The following STXBP6 variants were observed in gnomAD, a reference collection of about 807,000 sequenced individuals.
The protein encoded by STXBP6 is syntaxin-binding protein 6.
Under a neutral mutation model 26.9 loss-of-function variants are expected in STXBP6, and 21 were observed. The observed-to-expected ratio is 0.78, with a 90% CI of 0.55 to 1.12. The LOEUF (loss-of-function observed/expected upper bound fraction) is 1.12. Among genes scored for constraint, STXBP6 ranks in the 50% most tolerant of loss-of-function variants. The pLI is 0.00. For missense variants in STXBP6, 232 were observed against 257.9 expected (o/e 0.90, Z 0.69); for synonymous variants, 97 against 92.6 (o/e 1.05, Z -0.27).
chr14:24,970,913 G>T (rs920607000), intron 2 of STXBP6, among the ~76,000 whole-genome samples: 4 of 152,166 alleles, frequency 2.6e-5, no homozygotes, highest in Non-Finnish European at 5.9e-5. Context: ...AGAAAAAGCA[G>T]AAACCAATGC....
intron 3 of STXBP6, 54 bp downstream of exon 3, chr14:24,856,971 CAG>C (rs2069356419): frequency 1.3e-6 from 2 of 1,588,046 alleles, no homozygotes; most frequent in African/African-American, 1.3e-5. Flanking sequence ...CAAGGTCAAT[CAG>C]AGAGTCATCT....
chr14:24,997,970 T>G (rs1361958236), intron 1 of STXBP6, among the ~76,000 whole-genome samples: 1 of 152,156 alleles, frequency 6.6e-6, no homozygotes, highest in Admixed American at 6.5e-5. Flanking sequence ...TTAGTGGATA[T>G]TCACACTCTT....
At chr14:24,828,208 G>GCCA (rs2068346470) in intron 4 of STXBP6, among the ~76,000 whole-genome samples, 1 of 151,952 alleles carries the variant, frequency 6.6e-6, no homozygotes, top group African/African-American at 2.4e-5. Flanking sequence ...CAGATAGCAA[G>GCCA]GATACCTCTA....
At chr14:24,940,202 G>A (rs1881878015) in intron 2 of STXBP6, among the ~76,000 whole-genome samples, 1 of 152,168 alleles carries the variant, frequency 6.6e-6, no homozygotes, top group African/African-American at 2.4e-5. Flanking sequence ...TGATTTTACT[G>A]GAATGATTCC....
chr14:24,850,594 T>C (rs2069118753), intron 4 of STXBP6, among the ~76,000 whole-genome samples: 3 of 152,162 alleles, frequency 2.0e-5, no homozygotes, highest in African/African-American at 7.2e-5. Context: ...CTTGTCTGTC[T>C]GGCAACTGCT....
At chr14:24,906,784 G>A (rs2071399661) in intron 2 of STXBP6, among the ~76,000 whole-genome samples, 1 of 152,110 alleles carries the variant, frequency 6.6e-6, no homozygotes, top group Non-Finnish European at 1.5e-5. Context: ...AATTGATGTA[G>A]TAGGAAAATA....
At position 25,049,261 on chromosome 14, in the gene STXBP6, G is replaced by A; in HGVS notation, c.-33+617C>T. The A allele has an allele frequency of 1.0e-6, 1 of 985,466 alleles. No individual in the cohort carries two copies. Among genetic ancestry groups the A allele is most frequent in the Non-Finnish European group, 1.2e-6 (1 of 829,972 alleles). The allele number at this position is 985,466 out of a possible 1,614,324, so 61.0% of individuals were successfully genotyped here. A position where few individuals can be genotyped will look rare whatever the true frequency, so the allele number is the denominator to read the frequency against. Reference sequence around the variant, plus strand: ...GGTGAGGCTCGATGCCGGCGTGCACGGCAAGCGCGAATTCGGAACCTGGCG... The same window carrying A: ...GGTGAGGCTCGATGCCGGCGTGCACAGCAAGCGCGAATTCGGAACCTGGCG... On this transcript the variant is annotated intron_variant, in intron 1 of 5. Transcript: ENST00000323944. This position sits in a 1 kb window ranked among gnomAD's most constrained non-coding sequence, Gnocchi z 5.6.
chr14:24,990,472 A>G (rs982976743), intron 1 of STXBP6, among the ~76,000 whole-genome samples: 4 of 152,110 alleles, frequency 2.6e-5, no homozygotes, highest in African/African-American at 9.7e-5. Context: ...CAACCTGACT[A>G]ACATGGCAAA....
intron 2 of STXBP6, among the ~76,000 whole-genome samples, chr14:24,868,975 C>A (rs995511548): frequency 1.3e-5 from 2 of 152,148 alleles, no homozygotes; most frequent in Non-Finnish European, 2.9e-5. Context: ...AAAGATAATT[C>A]TTTGTATTTT....
chr14:24,890,655 G>T (rs147815065), intron 2 of STXBP6, among the ~76,000 whole-genome samples: 70 of 152,282 alleles, frequency 4.6e-4, no homozygotes, highest in African/African-American at 1.5e-3. Flanking sequence ...CTATAGAAAA[G>T]ATAAGGAAAT....
intron 2 of STXBP6, among the ~76,000 whole-genome samples, chr14:24,910,732 A>G (rs1006744193): frequency 6.6e-6 from 1 of 152,192 alleles, no homozygotes; most frequent in Non-Finnish European, 1.5e-5. Context: ...CAAATCTTCT[A>G]CTTCTAACTC....
Position 24,892,620 on chromosome 14 carries a change from T to G in STXBP6, c.155-35463A>C, listed in dbSNP as rs958392714. Reference sequence around the variant, plus strand: ...CGCCCCCTCTCCATGTTGTCTTCCATGAGCATTCGGAGCAGACTGCCAGAG... The same window carrying G: ...CGCCCCCTCTCCATGTTGTCTTCCAGGAGCATTCGGAGCAGACTGCCAGAG... On this transcript the variant is annotated intron_variant, in intron 2 of 5. Coordinates refer to ENST00000323944, the MANE Select transcript of STXBP6 (RefSeq NM_001394410.1). Among the ~76,000 whole-genome samples the G allele has an allele frequency of 4.6e-5, 7 of 152,092 alleles. 2 individuals are homozygous for G. Among genetic ancestry groups the G allele is most frequent in the Admixed American group, 3.9e-4 (6 of 15,280 alleles).
At chr14:25,014,230 C>T (rs2075097352) in intron 1 of STXBP6, among the ~76,000 whole-genome samples, 1 of 152,144 alleles carries the variant, frequency 6.6e-6, no homozygotes, top group Non-Finnish European at 1.5e-5. Flanking sequence ...TGTGGTGGCT[C>T]ACGCCTGTAA....
At chr14:24,859,917 G>A (rs1372255443) in intron 2 of STXBP6, among the ~76,000 whole-genome samples, 1 of 152,176 alleles carries the variant, frequency 6.6e-6, no homozygotes, top group African/African-American at 2.4e-5. Context: ...CAGAAGCATG[G>A]GGGCAACCCA....
intron 1 of STXBP6, among the ~76,000 whole-genome samples, chr14:25,017,000 G>A (rs529685807): frequency 6.6e-6 from 1 of 152,258 alleles, no homozygotes; most frequent in South Asian, 2.1e-4. Context: ...GCAGTTAAAC[G>A]CTTCTTAGAA....
chr14:25,045,605 CTTT>C (rs397700377), intron 1 of STXBP6, among the ~76,000 whole-genome samples: 3 of 107,770 alleles, frequency 2.8e-5, no homozygotes, highest in Non-Finnish European at 4.3e-5. Context: ...TTTTTCTTTT[CTTT>C]TTTTTTTTTT....
intron 2 of STXBP6, among the ~76,000 whole-genome samples, chr14:24,955,206 T>C (rs867770468): frequency 6.6e-6 from 1 of 152,326 alleles, no homozygotes; most frequent in Middle Eastern, 3.4e-3. Flanking sequence ...TTATGGAGGA[T>C]ACTTAACTGG....
chr14:24,859,025 A>G (rs1178031489), intron 2 of STXBP6, among the ~76,000 whole-genome samples: 3 of 152,148 alleles, frequency 2.0e-5, no homozygotes, highest in Non-Finnish European at 4.4e-5. Flanking sequence ...TTTGCTTCCA[A>G]GTAATTTACA....
intron 2 of STXBP6, among the ~76,000 whole-genome samples, chr14:24,862,966 A>G (rs2069593391): frequency 6.6e-6 from 1 of 152,164 alleles, no homozygotes; most frequent in African/African-American, 2.4e-5. Flanking sequence ...TGCAATTTTA[A>G]TGCCACAGGC....
Sources: allele counts gnomAD v4.1 joint callset (sites outside exome capture counted in the v4.1 genomes callset), GRCh38; gene constraint gnomAD v4.1.1; non-coding constraint Gnocchi (gnomAD v3.1); transcripts MANE v1.5; gene names NCBI Gene and HGNC (gene_info 2026-07-23, HGNC 2026-07-21).